SLC24A2: variants seen among roughly 807,000 people sequenced by gnomAD.
SLC24A2 encodes the protein sodium/potassium/calcium exchanger 2.
A neutral mutation model predicts 62.0 loss-of-function variants in SLC24A2; 36 were observed. The observed-to-expected ratio is 0.58, with a 90% confidence interval of 0.44 to 0.77. The LOEUF is 0.77. Ranked by LOEUF, SLC24A2 falls within the 30% of genes least tolerant of loss-of-function variation. The pLI is 0.00. For synonymous variants in SLC24A2, 358 were observed against 294.0 expected (o/e 1.22, Z -2.23); for missense variants, 846 against 817.9 (o/e 1.03, Z -0.42).
the SLC24A2 span, among the ~76,000 whole-genome samples, chr9:20,274,261 T>G: frequency 2.0e-5 from 3 of 151,998 alleles, no homozygotes; most frequent in East Asian, 3.9e-4. Flanking sequence ...GGACCAGGAG[T>G]GCTGGGGGCC....
intron 2 of SLC24A2, among the ~76,000 whole-genome samples, chr9:19,690,593 A>G (rs1820015569): frequency 6.6e-6 from 1 of 152,204 alleles, no homozygotes; most frequent in Non-Finnish European, 1.5e-5. Context: ...TGAATGCAGA[A>G]GACACACAGA....
At chr9:20,270,004 A>G in the SLC24A2 span, among the ~76,000 whole-genome samples, 13 of 152,286 alleles carry the variant, frequency 8.5e-5, no homozygotes, top group South Asian at 2.7e-3. Flanking sequence ...GCATCATAAC[A>G]TGGTGGAGAA....
At chr9:19,586,262 G>A (rs1258287654) in intron 5 of SLC24A2, among the ~76,000 whole-genome samples, 1 of 152,156 alleles carries the variant, frequency 6.6e-6, no homozygotes, top group Non-Finnish European at 1.5e-5. Context: ...CTGTGGGGCT[G>A]TTAAGGATAA....
chr9:20,261,092 G>C, the SLC24A2 span, among the ~76,000 whole-genome samples: 1 of 151,802 alleles, frequency 6.6e-6, no homozygotes, highest in Non-Finnish European at 1.5e-5. Context: ...TTGACCTCGT[G>C]ATCTGCCCGC....
chr9:19,577,650 T>C (rs1836062815), intron 5 of SLC24A2, among the ~76,000 whole-genome samples: 1 of 152,066 alleles, frequency 6.6e-6, no homozygotes. Flanking sequence ...ACTGATTCCA[T>C]TTGTGGATTT....
the SLC24A2 span, among the ~76,000 whole-genome samples, chr9:20,181,816 A>G: frequency 6.6e-4 from 101 of 152,258 alleles, no homozygotes; most frequent in Non-Finnish European, 1.2e-3. Context: ...GCTTCTGCAC[A>G]GCAAAAGAAA....
At chr9:19,910,078 C>T in the SLC24A2 span, among the ~76,000 whole-genome samples, 2 of 152,070 alleles carry the variant, frequency 1.3e-5, no homozygotes, top group East Asian at 1.9e-4. Flanking sequence ...TAATCTCTGT[C>T]TTCCTGAAAT....
the SLC24A2 span, among the ~76,000 whole-genome samples, chr9:20,091,207 G>A: frequency 6.0e-3 from 900 of 151,190 alleles, 9 homozygotes; most frequent in African/African-American, 0.02. Context: ...ATGGGATTAC[G>A]TAAAGAGGTC....
At chr9:20,100,645 T>G in the SLC24A2 span, among the ~76,000 whole-genome samples, 1 of 152,240 alleles carries the variant, frequency 6.6e-6, no homozygotes, top group Non-Finnish European at 1.5e-5. Context: ...CTTTAAATTA[T>G]GTAATTCATT....
the SLC24A2 span, among the ~76,000 whole-genome samples, chr9:20,196,093 A>G: frequency 6.6e-6 from 1 of 152,328 alleles, no homozygotes; most frequent in African/African-American, 2.4e-5. Context: ...ACCAAACTCT[A>G]TACTTATGAT....
intron 7 of SLC24A2, among the ~76,000 whole-genome samples, chr9:19,552,557 G>C (rs528288412): frequency 2.0e-5 from 3 of 152,054 alleles, no homozygotes; most frequent in South Asian, 4.2e-4. Context: ...CTTCCCTGAA[G>C]ACCCATCAAG....
the SLC24A2 span, among the ~76,000 whole-genome samples, chr9:20,244,793 T>C: frequency 6.6e-6 from 1 of 152,230 alleles, no homozygotes. Context: ...AAGCAAATTT[T>C]TCTACATTTT....
chr9:20,018,000 G>A, the SLC24A2 span, among the ~76,000 whole-genome samples: 30 of 152,274 alleles, frequency 2.0e-4, no homozygotes, highest in Middle Eastern at 0.017. Flanking sequence ...AGGCTGGAGT[G>A]CAGTGGCACG....
At chr9:19,866,625 C>CTTT in the SLC24A2 span, among the ~76,000 whole-genome samples, 4 of 68,186 alleles carry the variant, frequency 5.9e-5, no homozygotes, top group Admixed American at 2.3e-4. Flanking sequence ...CACGTTTTCA[C>CTTT]TTTTTTTTTT....
the SLC24A2 span, among the ~76,000 whole-genome samples, chr9:19,864,556 G>C: frequency 5.3e-5 from 8 of 152,102 alleles, no homozygotes; most frequent in South Asian, 1.7e-3. Context: ...CAATTAATGT[G>C]ATACATGATA....
chr9:20,236,372 T>C, the SLC24A2 span, among the ~76,000 whole-genome samples: 4 of 152,234 alleles, frequency 2.6e-5, no homozygotes, highest in Admixed American at 6.5e-5. Flanking sequence ...TCTTTCATTA[T>C]ACAGAAACAG....
chr9:20,113,210 C>T, the SLC24A2 span, among the ~76,000 whole-genome samples: 1 of 152,088 alleles, frequency 6.6e-6, no homozygotes, highest in Non-Finnish European at 1.5e-5. Flanking sequence ...CCCCATAGTT[C>T]TAGGGAACCA....
the SLC24A2 span, among the ~76,000 whole-genome samples, chr9:20,007,116 T>A: frequency 1.3e-5 from 2 of 152,148 alleles, no homozygotes; most frequent in Non-Finnish European, 2.9e-5. Flanking sequence ...TGACAGCTGA[T>A]AAAGTTTACT....
chr9:20,076,880 T>TATAC, the SLC24A2 span, among the ~76,000 whole-genome samples: 216 of 120,550 alleles, frequency 1.8e-3, 1 homozygote, highest in African/African-American at 6.0e-3. Flanking sequence ...TATATATATA[T>TATAC]ACATATCATA....
Sources: gnomAD v4.1 joint callset for allele counts (sites outside exome capture counted in the v4.1 genomes callset) on GRCh38, gnomAD v4.1.1 for gene constraint, MANE v1.5 for transcripts, NCBI Gene and HGNC (gene_info 2026-07-23, HGNC 2026-07-21) for gene names.